The following MALRD1 variants were observed in gnomAD, a reference collection of about 807,000 sequenced individuals.
MALRD1 encodes the protein MAM and LDL receptor class A domain containing 1.
Under a neutral mutation model 242.1 loss-of-function variants are expected in MALRD1, and 247 were observed. The observed-to-expected ratio is 1.02, with a 90% CI of 0.92 to 1.13. The LOEUF is 1.13. Among genes scored for constraint, MALRD1 ranks in the 50% most tolerant of loss-of-function variants. The pLI is 0.00. For missense variants in MALRD1, 2,989 were observed against 2,533.1 expected (o/e 1.18, Z -3.86); for synonymous variants, 995 against 866.6 (o/e 1.15, Z -2.60).
rs1836558884 is a variant in MALRD1, at chr10:19,201,962, C to T, written c.1952-1766C>T. Reference sequence around the variant, plus strand: ...TCCCGAGTAGCTGGGACTGCAGATGCATGCCACCCTGCCCAGCTAATTTTT... The same window carrying T: ...TCCCGAGTAGCTGGGACTGCAGATGTATGCCACCCTGCCCAGCTAATTTTT... On this transcript the variant is annotated intron_variant, in intron 14 of 39. Coordinates refer to ENST00000454679, the MANE Select transcript of MALRD1 (RefSeq NM_001142308.3). Among the ~76,000 whole-genome samples, 3 of 151,966 alleles carry T rather than the reference C, an allele frequency of 2.0e-5. No homozygotes were observed. In the South Asian group the frequency reaches 6.2e-4, roughly 32 times the overall value.
At chr10:19,730,441 T>A (rs1340439007) in intron 38 of MALRD1, 26 of 481,024 alleles carry the variant, frequency 5.4e-5, no homozygotes, top group Non-Finnish European at 9.5e-5. Flanking sequence ...GACTAACTTT[T>A]GCAATTTCTT....
At chr10:19,645,874 A>G (rs766409351) in intron 36 of MALRD1, among the ~76,000 whole-genome samples, 4 of 152,184 alleles carry the variant, frequency 2.6e-5, no homozygotes, top group Admixed American at 6.5e-5. Flanking sequence ...AACTTAAAGT[A>G]TAATAATAAA....
At chr10:19,157,882 G>A (rs1166798706) in intron 12 of MALRD1, among the ~76,000 whole-genome samples, 2 of 152,218 alleles carry the variant, frequency 1.3e-5, no homozygotes, top group African/African-American at 2.4e-5. Context: ...CTAACAGCAC[G>A]ATTTTAGGGC....
intron 26 of MALRD1, among the ~76,000 whole-genome samples, chr10:19,359,115 G>A (rs139785037): frequency 1.3e-5 from 2 of 152,302 alleles, no homozygotes; most frequent in African/African-American, 4.8e-5. Flanking sequence ...TTACAAAACA[G>A]AACTGAGATT....
intron 36 of MALRD1, among the ~76,000 whole-genome samples, chr10:19,685,509 C>T (rs910445789): frequency 1.3e-5 from 2 of 150,256 alleles, no homozygotes; most frequent in East Asian, 2.0e-4. Context: ...TGCTAGTAAT[C>T]GAAGACCCAA....
In MALRD1 at chr10:19,146,254, AC is replaced by A; in HGVS notation, c.1469del (p.Thr490LysfsTer8). On this transcript the variant is annotated frameshift_variant, in exon 11 of 40. Coordinates refer to ENST00000454679, the MANE Select transcript of MALRD1 (RefSeq NM_001142308.3). LOFTEE classifies it high-confidence loss of function. ...SGFCGWEPFL[T>X]EDSHWKLMKG... ...TTTCTGCGGTTGGGAGCCATTTCTC[AC>A]AGAAGATTCACACTGGAAGCTGATG... The A allele has an allele frequency of 8.1e-7, 1 of 1,231,624 alleles. No individual in the cohort carries two copies. 76.3% of individuals were successfully genotyped at this position (1,231,624 alleles called of 1,614,324 possible).
intron 33 of MALRD1, among the ~76,000 whole-genome samples, chr10:19,591,687 A>G (rs928688125): frequency 6.6e-6 from 1 of 152,044 alleles, no homozygotes; most frequent in African/African-American, 2.4e-5. Context: ...TAGAAAAGAC[A>G]GGGATTCACC....
At chr10:19,444,269 C>A (rs1444415402) in intron 28 of MALRD1, among the ~76,000 whole-genome samples, 1 of 152,064 alleles carries the variant, frequency 6.6e-6, no homozygotes, top group African/African-American at 2.4e-5. Flanking sequence ...TCCAATTTGC[C>A]AGTCTGTGTC....
chr10:19,534,350 C>T (rs975220980), intron 32 of MALRD1, among the ~76,000 whole-genome samples: 8 of 152,122 alleles, frequency 5.3e-5, no homozygotes, highest in African/African-American at 1.9e-4. Flanking sequence ...TGTGGAGGAA[C>T]CAGTGAAGTG....
At chr10:19,632,083 A>G (rs1484648097) in intron 36 of MALRD1, among the ~76,000 whole-genome samples, 3 of 152,170 alleles carry the variant, frequency 2.0e-5, no homozygotes, top group Admixed American at 6.5e-5. Flanking sequence ...TAATGAAGGT[A>G]TGAGCAAGGT....
intron 26 of MALRD1, among the ~76,000 whole-genome samples, chr10:19,376,841 A>G (rs1845629989): frequency 6.6e-6 from 1 of 152,032 alleles, no homozygotes; most frequent in African/African-American, 2.4e-5. Flanking sequence ...GGCCTCCCTG[A>G]GTGCTGATAC....
intron 18 of MALRD1, among the ~76,000 whole-genome samples, chr10:19,237,965 A>C (rs367801809): frequency 0.07 from 7,792 of 111,704 alleles, 1,010 homozygotes; most frequent in Non-Finnish European, 0.11. Flanking sequence ...ATGTAATTTT[A>C]TACAGTTATA....
intron 38 of MALRD1, chr10:19,721,654 A>G (rs1400532091): frequency 2.6e-5 from 4 of 152,248 alleles, no homozygotes; most frequent in Non-Finnish European, 4.4e-5. Context: ...AGAAATACAT[A>G]GGAAGACCAC....
At chr10:19,202,092 G>T (rs1836564389) in intron 14 of MALRD1, among the ~76,000 whole-genome samples, 1 of 152,126 alleles carries the variant, frequency 6.6e-6, no homozygotes, top group African/African-American at 2.4e-5. Context: ...GGAATTACAG[G>T]TGTGAGCCAC....
intron 31 of MALRD1, among the ~76,000 whole-genome samples, chr10:19,504,573 A>G (rs927814435): frequency 2.0e-5 from 3 of 151,892 alleles, no homozygotes; most frequent in East Asian, 1.9e-4. Flanking sequence ...ACTCAAACAT[A>G]CACATACACT....
intron 1 of MALRD1, among the ~76,000 whole-genome samples, chr10:19,059,843 T>A (rs1257940722): frequency 6.6e-6 from 1 of 152,234 alleles, no homozygotes; most frequent in African/African-American, 2.4e-5. Context: ...ATTTTCTTTC[T>A]TTCTCATTTC....
Position 19,389,558 on chromosome 10 carries a change from CT to C in MALRD1, c.4795del (p.Trp1599GlyfsTer44). The C allele has an allele frequency of 6.4e-7, 1 of 1,550,716 alleles. No homozygotes were observed. Among genetic ancestry groups the C allele is most frequent in the South Asian group, 1.2e-5 (1 of 84,052 alleles). ...CCAGTGCAGCCTGCACCATGAGCTT[CT>C]GGTATTTCGTATCTGCAAAGGCCAC... The part of the protein sequence containing the change: ...ESSAACTMSF[W>X]YFVSAKATGS... On this transcript the variant is annotated frameshift_variant, in exon 28 of 40. Transcript: ENST00000454679. LOFTEE classifies it high-confidence loss of function.
intron 12 of MALRD1, among the ~76,000 whole-genome samples, chr10:19,161,748 G>T: frequency 6.6e-6 from 1 of 152,074 alleles, no homozygotes; most frequent in East Asian, 1.9e-4. Context: ...ACAACTGAGA[G>T]GCCAGGCGCA....
intron 29 of MALRD1, chr10:19,491,137 G>A (rs529496942): frequency 1.5e-4 from 60 of 407,184 alleles, no homozygotes; most frequent in African/African-American, 9.9e-4. Flanking sequence ...AGCATTACGA[G>A]CAGCACAAAT....
Sources: gnomAD v4.1 joint callset for allele counts (sites outside exome capture counted in the v4.1 genomes callset) on GRCh38, gnomAD v4.1.1 for gene constraint, MANE v1.5 for transcripts, NCBI Gene and HGNC (gene_info 2026-07-23, HGNC 2026-07-21) for gene names.